The following BAIAP2L1 variants were observed in gnomAD, a reference collection of about 807,000 sequenced individuals.
BAIAP2L1 encodes BAR/IMD domain-containing adapter protein 2-like 1.
A neutral mutation model predicts 66.3 loss-of-function variants in BAIAP2L1; 35 were observed. That is an observed-to-expected ratio of 0.53 (90% CI 0.40 to 0.70). The LOEUF is 0.70. BAIAP2L1 is among the 30% of genes least tolerant of loss of function. The pLI, the probability that BAIAP2L1 is intolerant of heterozygous loss-of-function variation, is 0.00. For synonymous variants in BAIAP2L1, 269 were observed against 248.7 expected (o/e 1.08, Z -0.77); for missense variants, 622 against 656.9 (o/e 0.95, Z 0.58).
At chr7:98,356,866 G>T (rs1184320218) in intron 2 of BAIAP2L1, among the ~76,000 whole-genome samples, 1 of 146,334 alleles carries the variant, frequency 6.8e-6, no homozygotes, top group African/African-American at 2.5e-5. Context: ...GGTGGCACAC[G>T]CCTATAGTAG....
In BAIAP2L1 at chr7:98,315,604, C is replaced by T. The variant is rs768570756; in HGVS notation, c.495G>A (p.Glu165=). ...TTTCACTCTGACGAGAAGTAACGGT[C>T]TCCACATACTAAAAAAAAAAAAATA... The part of the protein sequence containing the change: ...KYEHKEIEYV[E]TVTSRQSEIQ... The change falls in exon 7 of 14, where the codon GAG becomes GAA. Residue 165 remains glutamate (E), a synonymous_variant. Transcript: ENST00000005260. 1 of 1,331,360 alleles carries T rather than the reference C, an allele frequency of 7.5e-7. No homozygotes were observed. Among genetic ancestry groups the T allele is most frequent in the South Asian group, 2.1e-5 (1 of 47,040 alleles). The allele number at this position is 1,331,360 out of a possible 1,614,324, so 82.5% of individuals were successfully genotyped here. A position where few individuals can be genotyped will look rare whatever the true frequency, so the allele number is the denominator to read the frequency against.
At chr7:98,360,099 T>C (rs978204241) in intron 2 of BAIAP2L1, among the ~76,000 whole-genome samples, 1 of 151,832 alleles carries the variant, frequency 6.6e-6, no homozygotes, top group African/African-American at 2.4e-5. Context: ...AATTTTGTAT[T>C]TTTAGTAGAG....
At chr7:98,367,521 C>T (rs1802411514) in intron 1 of BAIAP2L1, among the ~76,000 whole-genome samples, 1 of 149,332 alleles carries the variant, frequency 6.7e-6, no homozygotes, top group African/African-American at 2.5e-5. Flanking sequence ...TAGGCGCGCA[C>T]CACCACACCT....
chr7:98,376,728 G>A (rs1802642245), intron 1 of BAIAP2L1, among the ~76,000 whole-genome samples: 4 of 151,722 alleles, frequency 2.6e-5, no homozygotes, highest in African/African-American at 2.4e-5. Context: ...GCTACTCGGG[G>A]GGCTGAGGCA....
intron 1 of BAIAP2L1, among the ~76,000 whole-genome samples, chr7:98,368,279 C>A (rs539449197): frequency 6.6e-6 from 1 of 152,018 alleles, no homozygotes; most frequent in African/African-American, 2.4e-5. Flanking sequence ...AATTAGCGGG[C>A]GTGGTGGCGT....
intron 1 of BAIAP2L1, among the ~76,000 whole-genome samples, chr7:98,389,918 A>ATTTGTTTTTTT (rs1802989620): frequency 7.7e-6 from 1 of 129,764 alleles, no homozygotes; most frequent in African/African-American, 2.7e-5. Context: ...GGGTTAGTAA[A>ATTTGTTTTTTT]TTTTTTTTTT....
At chr7:98,378,259 A>G (rs1802678875) in intron 1 of BAIAP2L1, among the ~76,000 whole-genome samples, 1 of 152,146 alleles carries the variant, frequency 6.6e-6, no homozygotes, top group Admixed American at 6.5e-5. Flanking sequence ...TGGGGAGAGA[A>G]ATGATGAAAG....
At chr7:98,312,706 T>C (rs1379525996) in intron 7 of BAIAP2L1, among the ~76,000 whole-genome samples, 1 of 152,076 alleles carries the variant, frequency 6.6e-6, no homozygotes, top group East Asian at 1.9e-4. Flanking sequence ...ATTCAGACAT[T>C]AGAGAAGTGA....
intron 1 of BAIAP2L1, 142 bp downstream of exon 1, chr7:98,400,657 GGGA>G: frequency 1.1e-6 from 1 of 906,396 alleles, no homozygotes; most frequent in Admixed American, 2.0e-5. Flanking sequence ...GGAGGGCCAG[GGGA>G]GGAGTGGGAG....
intron 2 of BAIAP2L1, among the ~76,000 whole-genome samples, chr7:98,356,647 C>T (rs923380060): frequency 7.3e-6 from 1 of 137,092 alleles, no homozygotes; most frequent in African/African-American, 2.8e-5. Context: ...CAGGCACGTG[C>T]CACCATTCCT....
At chr7:98,364,986 CAAAAAAAAAAAA>C (rs531177927) in intron 1 of BAIAP2L1, among the ~76,000 whole-genome samples, 10 of 30,780 alleles carry the variant, frequency 3.2e-4, no homozygotes, top group East Asian at 1.3e-3. Context: ...GGATATGTCT[CAAAAAAAAAAAA>C]AAAAAAAAAA....
At chr7:98,319,739 T>C (rs1034426792) in intron 5 of BAIAP2L1, among the ~76,000 whole-genome samples, 5 of 151,952 alleles carry the variant, frequency 3.3e-5, no homozygotes, top group African/African-American at 1.2e-4. Context: ...TGAGTAGAGA[T>C]GGGGTTTCAC....
At chr7:98,306,073 C>T (rs1293032737) in intron 11 of BAIAP2L1, among the ~76,000 whole-genome samples, 2 of 152,068 alleles carry the variant, frequency 1.3e-5, no homozygotes, top group African/African-American at 2.4e-5. Context: ...GAGAACATTC[C>T]AGAAAAAGCA....
At chr7:98,371,746 G>A (rs2115765425) in intron 1 of BAIAP2L1, among the ~76,000 whole-genome samples, 1 of 151,900 alleles carries the variant, frequency 6.6e-6, no homozygotes, top group Middle Eastern at 3.4e-3. Flanking sequence ...TGACTAGCCA[G>A]ATAAGCTGAG....
intron 1 of BAIAP2L1, among the ~76,000 whole-genome samples, chr7:98,379,176 G>C (rs952807931): frequency 6.6e-6 from 1 of 152,066 alleles, no homozygotes; most frequent in African/African-American, 2.4e-5. Context: ...ACCGAGCCTG[G>C]CCAAAGCTAG....
chr7:98,294,106 A>G lies in BAIAP2L1; in HGVS notation c.1428T>C (p.Asp476=). Residue 476 remains aspartate, a synonymous_variant, in exon 13 of 14, where the codon GAT becomes GAC. Coordinates refer to ENST00000005260, the MANE Select transcript of BAIAP2L1 (RefSeq NM_018842.5). ...AAGGCGGCTTTGCAGTCCCGTTGGC[A>G]TCGTTCTGTGAGAAAGATAAAGAAG... ...ASKPETAAPN[D]ANGTAKPPFL... 2 of 1,614,130 alleles carry G rather than the reference A, an allele frequency of 1.2e-6. No individual in the cohort carries two copies. Among genetic ancestry groups the G allele is most frequent in the Non-Finnish European group, 1.7e-6 (2 of 1,179,952 alleles).
rs746134068 is a variant in BAIAP2L1 at position 98,292,688 on chromosome 7, T to C, written c.*833A>G. 1.3e-6 allele frequency: 2 copies of C among 1,551,612 alleles called. No homozygotes were observed. The highest frequency in any genetic ancestry group is 1.2e-5 in the South Asian group (1 of 84,054). On this transcript the variant is annotated 3_prime_UTR_variant, in exon 14 of 14. Transcript: ENST00000005260. ...CACGTATCCTTTGAGAGTCTGTACC[T>C]GATTCAAACACGGAGAAACCAGGAC...
At chr7:98,388,128 T>C (rs1037669342) in intron 1 of BAIAP2L1, among the ~76,000 whole-genome samples, 61 of 152,300 alleles carry the variant, frequency 4.0e-4, no homozygotes, top group Admixed American at 8.5e-4. Flanking sequence ...TTAGCCCTAA[T>C]TGAATACCTA....
At chr7:98,379,644 T>TA (rs958832400) in intron 1 of BAIAP2L1, among the ~76,000 whole-genome samples, 30 of 152,044 alleles carry the variant, frequency 2.0e-4, no homozygotes, top group African/African-American at 7.0e-4. Context: ...TGTGGCCTCT[T>TA]AAAAAAAATC....
Sources: gnomAD v4.1 joint callset for allele counts (sites outside exome capture counted in the v4.1 genomes callset) on GRCh38, gnomAD v4.1.1 for gene constraint, MANE v1.5 for transcripts, NCBI Gene and HGNC (gene_info 2026-07-23, HGNC 2026-07-21) for gene names.